ARHGAP35: variants seen among roughly 807,000 people sequenced by gnomAD.
ARHGAP35 encodes Rho GTPase activating protein 35.
In ARHGAP35, 15 loss-of-function variants were observed where a neutral mutation model predicts 111.1. The ratio of observed to expected loss-of-function variants is 0.13; its 90% CI spans 0.09 to 0.21. ARHGAP35 has a LOEUF of 0.21. ARHGAP35 is among the 10% of genes least tolerant of loss of function. The pLI is 1.00. For missense variants in ARHGAP35, 1,262 were observed against 1,873.0 expected, an observed-to-expected ratio of 0.67 and a Z score of 6.02; for synonymous variants, 643 against 710.3, an observed-to-expected ratio of 0.91 and a Z score of 1.51.
At chr19:46,907,960 G>A (rs188193500) in intron 1 of ARHGAP35, among the ~76,000 whole-genome samples, 60 of 152,310 alleles carry the variant, frequency 3.9e-4, no homozygotes, top group Non-Finnish European at 1.0e-4. Flanking sequence ...ATAATGAGCT[G>A]AAATCCTCAT....
chr19:46,886,424 A>G (rs1483785117), intron 1 of ARHGAP35, among the ~76,000 whole-genome samples: 1 of 151,678 alleles, frequency 6.6e-6, no homozygotes, highest in African/African-American at 2.4e-5. Context: ...CCTACTTCTA[A>G]TTCTGACATA....
intron 3 of ARHGAP35, among the ~76,000 whole-genome samples, chr19:46,972,653 C>T (rs1051753150): frequency 6.6e-6 from 1 of 152,132 alleles, no homozygotes; most frequent in African/African-American, 2.4e-5. Context: ...TTGCAAAGTA[C>T]TTGCACATAT....
chr19:46,995,356 G>A (rs751516835), intron 5 of ARHGAP35, among the ~76,000 whole-genome samples: 8 of 152,280 alleles, frequency 5.3e-5, no homozygotes, highest in South Asian at 4.1e-4. Flanking sequence ...AGCCGAGATC[G>A]TGCCACTGCA....
In ARHGAP35 at chr19:46,921,984, C is replaced by T. The variant is rs1316982403; in HGVS notation, c.3309C>T (p.Asn1103=). 3 of 1,613,976 alleles carry T rather than the reference C, an allele frequency of 1.9e-6. No homozygotes were observed. Among genetic ancestry groups the T allele is most frequent in the Admixed American group, 1.7e-5 (1 of 60,012 alleles). The part of the protein sequence containing the change: ...AVVKPRNEEE[N]IYSVPHDSTQ... Reference sequence around the variant, plus strand: ...TGAAGCCAAGGAATGAAGAAGAAAACATATACTCCGTGCCCCATGACAGCA... The same window carrying T: ...TGAAGCCAAGGAATGAAGAAGAAAATATATACTCCGTGCCCCATGACAGCA... The change falls in exon 2 of 7, where the codon AAC becomes AAT. Residue 1103 remains asparagine (N), a synonymous_variant. Transcript: ENST00000672722. This position sits in a 1 kb window ranked among gnomAD's most constrained non-coding sequence, Gnocchi z 4.3.
chr19:46,881,296 G>T (rs1251533553), intron 1 of ARHGAP35, among the ~76,000 whole-genome samples: 2 of 152,196 alleles, frequency 1.3e-5, no homozygotes, highest in Non-Finnish European at 2.9e-5. Context: ...CTTTTCAGAA[G>T]GTGGACTTTG....
Position 46,999,818 on chromosome 19 carries a change from C to T in ARHGAP35, c.4142+409C>T, listed in dbSNP as rs1283472142. The T allele has an allele frequency of 1.8e-5, 4 of 221,046 alleles. No homozygotes were observed. Among genetic ancestry groups the T allele is most frequent in the African/African-American group, 4.6e-5 (2 of 43,900 alleles). The allele number at this position is 221,046 out of a possible 1,614,324, so 13.7% of individuals were successfully genotyped here. Reference sequence around the variant, plus strand: ...CCTGAAAGTCCTCTCACAGCATTCACGTTCCCAGCTGGGGAGAACCGGGAC... The same window carrying T: ...CCTGAAAGTCCTCTCACAGCATTCATGTTCCCAGCTGGGGAGAACCGGGAC... On this transcript the variant is annotated intron_variant, in intron 6 of 6. Transcript: ENST00000672722. The surrounding 1 kb of genome is among the most constrained non-coding windows in gnomAD (Gnocchi z 5.4).
chr19:46,970,738 C>G (rs2056542311), intron 3 of ARHGAP35, among the ~76,000 whole-genome samples: 1 of 152,044 alleles, frequency 6.6e-6, no homozygotes, highest in Non-Finnish European at 1.5e-5. Flanking sequence ...AAGATTTCAC[C>G]CTAAACCATG....
chr19:46,923,959 A>T (rs2122204936), intron 2 of ARHGAP35, among the ~76,000 whole-genome samples: 1 of 151,992 alleles, frequency 6.6e-6, no homozygotes, highest in East Asian at 1.9e-4. Context: ...ATGTGTATAT[A>T]TATAAATACT....
intron 3 of ARHGAP35, among the ~76,000 whole-genome samples, chr19:46,985,474 G>A (rs538437471): frequency 4.3e-4 from 65 of 152,220 alleles, no homozygotes; most frequent in Admixed American, 1.1e-3. Flanking sequence ...CAGAGTCCCC[G>A]GACTCAGACC....
chr19:46,987,655 A>AAT (rs1361861743), intron 3 of ARHGAP35, among the ~76,000 whole-genome samples: 1 of 152,256 alleles, frequency 6.6e-6, no homozygotes, highest in Non-Finnish European at 1.5e-5. Context: ...ATTGGGTTAA[A>AAT]ATATATACTA....
chr19:46,963,681 C>T (rs1410148503), intron 3 of ARHGAP35, among the ~76,000 whole-genome samples: 1 of 152,050 alleles, frequency 6.6e-6, no homozygotes, highest in Non-Finnish European at 1.5e-5. Context: ...TCACCTTTAT[C>T]TTGTCTCCCT....
intron 3 of ARHGAP35, among the ~76,000 whole-genome samples, chr19:46,958,043 A>G (rs747965949): frequency 3.9e-5 from 6 of 152,040 alleles, no homozygotes; most frequent in Admixed American, 2.6e-4. Flanking sequence ...AGCTGGGACT[A>G]CAGGCCCAAG....
chr19:46,940,189 G>C (rs1599835202), intron 3 of ARHGAP35, among the ~76,000 whole-genome samples: 2 of 152,096 alleles, frequency 1.3e-5, no homozygotes, highest in Middle Eastern at 6.8e-3. Flanking sequence ...GAGAAACCCA[G>C]TCTCTACTAA....
intron 1 of ARHGAP35, among the ~76,000 whole-genome samples, chr19:46,914,125 A>G (rs185886322): frequency 5.9e-5 from 9 of 152,322 alleles, no homozygotes; most frequent in Non-Finnish European, 8.8e-5. Context: ...ATTCAGTCCA[A>G]TTGAGGAACT....
At chr19:46,954,232 G>A (rs535020518) in intron 3 of ARHGAP35, among the ~76,000 whole-genome samples, 5 of 152,324 alleles carry the variant, frequency 3.3e-5, no homozygotes, top group Non-Finnish European at 5.9e-5. Context: ...GTGGTATTTT[G>A]TTATGGCAAC....
intron 1 of ARHGAP35, among the ~76,000 whole-genome samples, chr19:46,887,759 G>A (rs562114351): frequency 3.3e-5 from 5 of 151,944 alleles, no homozygotes; most frequent in South Asian, 4.2e-4. Flanking sequence ...CTCCCCGACC[G>A]AACCAAAAAC....
Position 46,922,193 on chromosome 19 carries a change from C to T in ARHGAP35, c.3518C>T (p.Thr1173Ile). The T allele has an allele frequency of 1.2e-6, 2 of 1,613,936 alleles. No homozygotes were observed. Among genetic ancestry groups the T allele is most frequent in the Non-Finnish European group, 1.7e-6 (2 of 1,179,878 alleles). The change falls in exon 2 of 7, where the codon ACC (threonine) becomes ATC (isoleucine). Residue 1173 changes from threonine (T) to isoleucine (I), a missense_variant. Physicochemically the swap from Thr to Ile is moderately conservative, Grantham distance 89. Transcript: ENST00000672722. The surrounding 1 kb of genome is among the most constrained non-coding windows in gnomAD (Gnocchi z 4.0). ...CTGGGGCGGTTTGCTAGTTACCGGA[C>T]CAGCTTCAGCGTGGGGAGTGATGAT... Reference protein sequence around the residue: ...TRLGRFASYRTSFSVGSDDEL... With the variant: ...TRLGRFASYRISFSVGSDDEL...
At chr19:46,907,660 G>T (rs1480792028) in intron 1 of ARHGAP35, among the ~76,000 whole-genome samples, 1 of 149,878 alleles carries the variant, frequency 6.7e-6, no homozygotes, top group Non-Finnish European at 1.5e-5. Flanking sequence ...TTTATTTTTA[G>T]TAGAGACGGG....
chr19:46,862,892 T>C (rs2055836566), intron 1 of ARHGAP35, among the ~76,000 whole-genome samples: 1 of 152,198 alleles, frequency 6.6e-6, no homozygotes, highest in African/African-American at 2.4e-5. Context: ...TTTGGAGTTC[T>C]CACTCCAATT....
Sources: gnomAD v4.1 joint callset for allele counts (sites outside exome capture counted in the v4.1 genomes callset) on GRCh38, gnomAD v4.1.1 for gene constraint, Gnocchi (gnomAD v3.1) non-coding constraint, MANE v1.5 for transcripts, NCBI Gene and HGNC (gene_info 2026-07-23, HGNC 2026-07-21) for gene names.